The following ZEB1 variants were observed in gnomAD, a reference collection of about 807,000 sequenced individuals.
ZEB1 encodes zinc finger E-box-binding homeobox 1.
In ZEB1, 21 loss-of-function variants were observed where a neutral mutation model predicts 84.9. That is an observed-to-expected ratio of 0.25 (90% confidence interval 0.18 to 0.36). The LOEUF is 0.36. ZEB1 is among the 10% of genes least tolerant of loss of function. ZEB1 has a pLI of 1.00. For missense variants in ZEB1, 1,104 were observed against 1,330.2 expected (o/e 0.83, Z 2.65); for synonymous variants, 420 against 471.1 (o/e 0.89, Z 1.41).
chr10:31,328,657 A>G (rs925113774), intron 1 of ZEB1, among the ~76,000 whole-genome samples: 1 of 152,080 alleles, frequency 6.6e-6, no homozygotes, highest in Non-Finnish European at 1.5e-5. Flanking sequence ...CTTCATCTTA[A>G]TGCTACTTTT....
intron 2 of ZEB1, among the ~76,000 whole-genome samples, chr10:31,470,032 G>C (rs1231073965): frequency 6.6e-6 from 1 of 151,656 alleles, no homozygotes; most frequent in Non-Finnish European, 1.5e-5. Context: ...CTAACAAACA[G>C]AAAGGACATC....
At chr10:31,323,422 A>G (rs2034627488) in intron 1 of ZEB1, among the ~76,000 whole-genome samples, 1 of 152,082 alleles carries the variant, frequency 6.6e-6, no homozygotes, top group African/African-American at 2.4e-5. Flanking sequence ...ATGGGTTGGC[A>G]GAGAGCTACT....
At chr10:31,490,681 C>A (rs965631815) in intron 2 of ZEB1, among the ~76,000 whole-genome samples, 2 of 151,582 alleles carry the variant, frequency 1.3e-5, no homozygotes, top group Admixed American at 6.6e-5. Flanking sequence ...CCAATGTTGC[C>A]ATTTTTTGAT....
At chr10:31,455,240 T>TA (rs1223453094) in intron 1 of ZEB1, among the ~76,000 whole-genome samples, 5 of 152,120 alleles carry the variant, frequency 3.3e-5, no homozygotes, top group African/African-American at 4.8e-5. Flanking sequence ...ACCCCTTCCT[T>TA]ACACTTTATA....
chr10:31,514,523 T>G, intron 5 of ZEB1, 80 bp from the exon 6 acceptor site: 1 of 1,282,414 alleles, frequency 7.8e-7, no homozygotes, highest in South Asian at 1.3e-5. Context: ...CTCACAAAAA[T>G]GTCACTCTTA....
chr10:31,353,328 T>C (rs2041608193), intron 1 of ZEB1, among the ~76,000 whole-genome samples: 2 of 152,252 alleles, frequency 1.3e-5, no homozygotes, highest in South Asian at 4.1e-4. Flanking sequence ...GATAGTTCAA[T>C]AGTTCCAATC....
chr10:31,497,197 T>C (rs572671403), intron 3 of ZEB1, among the ~76,000 whole-genome samples: 1 of 152,208 alleles, frequency 6.6e-6, no homozygotes, highest in Admixed American at 6.6e-5. Flanking sequence ...CCTAGAATCG[T>C]TAAACTTTGA....
At chr10:31,523,195 A>C (rs368045416) in intron 7 of ZEB1, among the ~76,000 whole-genome samples, 1 of 152,230 alleles carries the variant, frequency 6.6e-6, no homozygotes, top group African/African-American at 2.4e-5. Context: ...GGAAGATCTT[A>C]GGGGACCCAG....
chr10:31,481,804 A>G (rs2065073899), intron 2 of ZEB1, among the ~76,000 whole-genome samples: 1 of 152,096 alleles, frequency 6.6e-6, no homozygotes, highest in Non-Finnish European at 1.5e-5. Flanking sequence ...AGAAAATAAA[A>G]GAAATATCCA....
intron 1 of ZEB1, among the ~76,000 whole-genome samples, chr10:31,376,855 A>G (rs1413617910): frequency 6.6e-6 from 1 of 151,730 alleles, no homozygotes; most frequent in Non-Finnish European, 1.5e-5. Context: ...CATCTTAAAA[A>G]TATCCTGCTT....
At chr10:31,467,984 G>T (rs560968180) in intron 2 of ZEB1, among the ~76,000 whole-genome samples, 7 of 152,146 alleles carry the variant, frequency 4.6e-5, no homozygotes, top group Admixed American at 3.3e-4. Context: ...CCAGTCAGGG[G>T]TGTAGAAGCT....
intron 1 of ZEB1, among the ~76,000 whole-genome samples, chr10:31,438,947 A>G (rs1276549735): frequency 1.3e-5 from 2 of 152,238 alleles, no homozygotes; most frequent in Non-Finnish European, 2.9e-5. Flanking sequence ...TCAGTTTTCT[A>G]AAGTTTGCCA....
intron 1 of ZEB1, among the ~76,000 whole-genome samples, chr10:31,359,254 A>G (rs1198067830): frequency 1.3e-5 from 2 of 152,116 alleles, no homozygotes; most frequent in Admixed American, 1.3e-4. Flanking sequence ...CAAAACTCCT[A>G]AAGACCCTAT....
chr10:31,386,099 G>A (rs955451175), intron 1 of ZEB1, among the ~76,000 whole-genome samples: 3 of 151,712 alleles, frequency 2.0e-5, no homozygotes, highest in Non-Finnish European at 4.4e-5. Flanking sequence ...TATTTATATC[G>A]ATCTACTCTC....
At chr10:31,359,967 ATTG>A (rs1210015140) in intron 1 of ZEB1, among the ~76,000 whole-genome samples, 1 of 152,144 alleles carries the variant, frequency 6.6e-6, no homozygotes, top group Non-Finnish European at 1.5e-5. Flanking sequence ...CTCAGTAGCT[ATTG>A]TTGCTTTGCA....
chr10:31,378,670 A>T (rs1329176753), intron 1 of ZEB1, among the ~76,000 whole-genome samples: 4 of 151,890 alleles, frequency 2.6e-5, no homozygotes, highest in Non-Finnish European at 4.4e-5. Flanking sequence ...ACTGCGGTGT[A>T]TTGGGGAAAA....
At chr10:31,360,385 A>G (rs1393847281) in intron 1 of ZEB1, among the ~76,000 whole-genome samples, 1 of 152,242 alleles carries the variant, frequency 6.6e-6, no homozygotes, top group Non-Finnish European at 1.5e-5. Flanking sequence ...GATTAAATAT[A>G]ATGGATATAG....
rs752557662 is a variant in ZEB1 at position 31,521,240 on chromosome 10, A to G, written c.1908A>G (p.Gly636=). The G allele has an allele frequency of 8.1e-6, 13 of 1,614,014 alleles. No homozygotes were observed. In the South Asian group the frequency reaches 1.3e-4, roughly 16 times the overall value. Residue 636 remains glycine, a synonymous_variant, in exon 7 of 9, where the codon GGA becomes GGG. Coordinates refer to ENST00000424869, the MANE Select transcript of ZEB1 (RefSeq NM_001174096.2). The stretch of plus-strand genomic sequence containing the variant: ...AGTGGTTTGAAAAGATGCAAGCTGG[A>G]CAGATTTCAGTGCAGTCTTCTGAAC... ...VKKWFEKMQA[G]QISVQSSEPS...
chr10:31,447,893 G>A (rs960254999), intron 1 of ZEB1, among the ~76,000 whole-genome samples: 5 of 152,056 alleles, frequency 3.3e-5, no homozygotes, highest in Non-Finnish European at 7.3e-5. Flanking sequence ...TATGTGTCTT[G>A]GAGTTGCTCT....
Sources: gnomAD v4.1 joint callset for allele counts (sites outside exome capture counted in the v4.1 genomes callset) on GRCh38, gnomAD v4.1.1 for gene constraint, MANE v1.5 for transcripts, NCBI Gene and HGNC (gene_info 2026-07-23, HGNC 2026-07-21) for gene names.